The following DPP10 variants were observed in gnomAD, a reference collection of about 807,000 sequenced individuals.
DPP10 encodes the protein dipeptidyl peptidase like 10, also known as inactive dipeptidyl peptidase 10.
Under a neutral mutation model 120.9 loss-of-function variants are expected in DPP10, and 33 were observed. The observed-to-expected ratio is 0.27, with a 90% CI of 0.21 to 0.37. DPP10 has a LOEUF of 0.37. Ranked by LOEUF, DPP10 falls within the 10% of genes least tolerant of loss-of-function variation. The pLI, the probability that DPP10 is intolerant of heterozygous loss-of-function variation, is 1.00. For missense variants in DPP10, 816 were observed against 942.8 expected (o/e 0.87, Z 1.76); for synonymous variants, 337 against 326.1 (o/e 1.03, Z -0.36).
chr2:115,766,801 A>G (rs543363864), intron 12 of DPP10, among the ~76,000 whole-genome samples: 1 of 152,124 alleles, frequency 6.6e-6, no homozygotes, highest in East Asian at 1.9e-4. Flanking sequence ...CAAGAAAGGG[A>G]TGGGGGAGGT....
chr2:115,106,277 T>G (rs997855843), intron 1 of DPP10, among the ~76,000 whole-genome samples: 3 of 152,214 alleles, frequency 2.0e-5, no homozygotes, highest in African/African-American at 7.2e-5. Context: ...ACAGAATATT[T>G]TTCCATTCTG....
intron 3 of DPP10, among the ~76,000 whole-genome samples, chr2:115,363,876 G>C (rs1285314344): frequency 6.6e-6 from 1 of 152,104 alleles, no homozygotes; most frequent in Non-Finnish European, 1.5e-5. Flanking sequence ...AATAAGGTTT[G>C]GTTAACTGTA....
intron 1 of DPP10, among the ~76,000 whole-genome samples, chr2:114,718,560 A>G (rs1443443920): frequency 6.6e-6 from 1 of 152,182 alleles, no homozygotes; most frequent in Non-Finnish European, 1.5e-5. Flanking sequence ...TTATGACATA[A>G]GAACCAATGT....
At chr2:115,178,676 C>A (rs1027235992) in intron 1 of DPP10, among the ~76,000 whole-genome samples, 3 of 152,220 alleles carry the variant, frequency 2.0e-5, no homozygotes, top group Non-Finnish European at 2.9e-5. Flanking sequence ...TGAACCTCAG[C>A]TCCCAATTAG....
intron 3 of DPP10, among the ~76,000 whole-genome samples, chr2:115,445,334 G>A (rs571943877): frequency 2.0e-4 from 30 of 152,308 alleles, no homozygotes; most frequent in African/African-American, 7.2e-4. Context: ...CTTTGGAACT[G>A]GGTGACAGGC....
At chr2:115,423,497 T>C (rs886484876) in intron 3 of DPP10, among the ~76,000 whole-genome samples, 1 of 152,154 alleles carries the variant, frequency 6.6e-6, no homozygotes, top group African/African-American at 2.4e-5. Flanking sequence ...ATGTTTTCTT[T>C]GTATATAGAG....
chr2:114,665,347 A>G (rs1446108740), intron 1 of DPP10, among the ~76,000 whole-genome samples: 2 of 152,102 alleles, frequency 1.3e-5, no homozygotes, highest in Non-Finnish European at 2.9e-5. Context: ...CTTCTCACCT[A>G]CACATTATCT....
intron 1 of DPP10, among the ~76,000 whole-genome samples, chr2:115,038,460 G>T (rs1704390875): frequency 6.6e-6 from 1 of 151,592 alleles, no homozygotes; most frequent in Non-Finnish European, 1.5e-5. Context: ...CAGATTTTTG[G>T]TAGAGAAGGG....
intron 1 of DPP10, among the ~76,000 whole-genome samples, chr2:114,586,840 A>T (rs2105126248): frequency 1.3e-5 from 2 of 152,276 alleles, no homozygotes; most frequent in East Asian, 3.9e-4. Context: ...CATCTGCCCC[A>T]TCTCTCTTTC....
chr2:115,082,125 T>G (rs1024591023), intron 1 of DPP10, among the ~76,000 whole-genome samples: 1 of 152,224 alleles, frequency 6.6e-6, no homozygotes, highest in African/African-American at 2.4e-5. Context: ...CAGGCCAGAA[T>G]GTCCCTGTAA....
At chr2:115,596,181 A>G (rs2082976400) in intron 5 of DPP10, among the ~76,000 whole-genome samples, 1 of 152,120 alleles carries the variant, frequency 6.6e-6, no homozygotes, top group African/African-American at 2.4e-5. Context: ...TCACACATAA[A>G]TATCACAATT....
At chr2:114,636,142 T>C (rs1158704619) in intron 1 of DPP10, among the ~76,000 whole-genome samples, 1 of 151,986 alleles carries the variant, frequency 6.6e-6, no homozygotes. Flanking sequence ...ATCATGTTAA[T>C]GTAAAAAGCA....
intron 1 of DPP10, among the ~76,000 whole-genome samples, chr2:114,532,916 G>T (rs1282692806): frequency 6.6e-6 from 1 of 152,130 alleles, no homozygotes; most frequent in Non-Finnish European, 1.5e-5. Flanking sequence ...CTCTGCTTCT[G>T]GACTCATCGT....
rs189511721 is a variant in DPP10 at position 114,481,307 on chromosome 2, A to C, written c.60+38469A>C. On this transcript the variant is annotated intron_variant, in intron 1 of 25. Transcript: ENST00000410059. ...ACTATATACAGATAACAAATAAATAAATGAAAAAATCTTTAACATCATTAG... is the reference window on the plus strand; with the variant it reads ...ACTATATACAGATAACAAATAAATACATGAAAAAATCTTTAACATCATTAG... Among the ~76,000 whole-genome samples, 6 of 149,530 alleles carry C rather than the reference A, an allele frequency of 4.0e-5. No homozygotes were observed. In the East Asian group the frequency reaches 9.9e-4, roughly 25 times the overall value.
At chr2:114,843,735 C>T (rs1688337359) in intron 1 of DPP10, among the ~76,000 whole-genome samples, 2 of 152,100 alleles carry the variant, frequency 1.3e-5, no homozygotes. Flanking sequence ...CTGGTCCCGT[C>T]AATCCCTTCT....
At chr2:115,512,013 T>C (rs1200902114) in intron 4 of DPP10, among the ~76,000 whole-genome samples, 1 of 151,948 alleles carries the variant, frequency 6.6e-6, no homozygotes, top group East Asian at 2.0e-4. Context: ...ATTACAGGTG[T>C]GAGCCACCAC....
Position 115,762,624 on chromosome 2 carries a change from G to C in DPP10, c.1113+14G>C, listed in dbSNP as rs1559123655. 1 of 1,612,672 alleles carries C rather than the reference G, an allele frequency of 6.2e-7. No individual in the cohort carries two copies. The highest frequency in any genetic ancestry group is 8.5e-7 in the Non-Finnish European group (1 of 1,179,788). ...CTCTCTCAGCAGGTACAGTATAGGT[G>C]GTCTGTCACATCTTGGCCATTGTGA... is the stretch of plus-strand genomic sequence containing the variant. On this transcript the variant is annotated intron_variant, in intron 12 of 25. Transcript: ENST00000410059.
chr2:115,436,548 C>T (rs1374130000), intron 3 of DPP10, among the ~76,000 whole-genome samples: 5 of 151,688 alleles, frequency 3.3e-5, no homozygotes, highest in Non-Finnish European at 7.4e-5. Flanking sequence ...TCATTGGATT[C>T]TTAAGCACAC....
chr2:115,776,778 C>G (rs1392857486), intron 13 of DPP10, among the ~76,000 whole-genome samples: 2 of 151,840 alleles, frequency 1.3e-5, no homozygotes, highest in African/African-American at 4.8e-5. Context: ...CATTAAATGG[C>G]AAATCTTATA....
Sources: gnomAD v4.1 joint callset for allele counts (sites outside exome capture counted in the v4.1 genomes callset) on GRCh38, gnomAD v4.1.1 for gene constraint, MANE v1.5 for transcripts, NCBI Gene and HGNC (gene_info 2026-07-23, HGNC 2026-07-21) for gene names.